KIAA1671: variants seen among roughly 807,000 people sequenced by gnomAD.
The protein encoded by KIAA1671 is KIAA1671, also known as uncharacterized protein KIAA1671.
Under a neutral mutation model 131.2 loss-of-function variants are expected in KIAA1671, and 52 were observed. The observed-to-expected ratio is 0.40, with a 90% CI of 0.32 to 0.50. KIAA1671 has a LOEUF of 0.50. KIAA1671 is among the 20% of genes least tolerant of loss of function. KIAA1671 has a pLI of 0.73. For missense variants in KIAA1671, 2,360 were observed against 2,364.2 expected (o/e 1.00, Z 0.04); for synonymous variants, 1,003 against 961.6 (o/e 1.04, Z -0.80).
At chr22:25,015,838 C>CTAA (rs57445940) in intron 1 of KIAA1671, among the ~76,000 whole-genome samples, 64,229 of 151,538 alleles carry the variant, frequency 0.42, 13,517 homozygotes, top group Middle Eastern at 0.49. Flanking sequence ...GTACCGCACT[C>CTAA]TGATGGAATT....
At position 25,028,044 on chromosome 22, in the gene KIAA1671, C is replaced by A; in HGVS notation, c.45C>A (p.Ala15=). ...VEVGSITPLT[A]VPGLGEMGKE... The stretch of plus-strand genomic sequence containing the variant: ...TGGGCTCCATAACGCCCTTGACGGC[C>A]GTGCCAGGCCTGGGTGAGATGGGCA... The change falls in exon 3 of 13, where the codon GCC becomes GCA. Residue 15 remains alanine (A), a synonymous_variant. Coordinates refer to ENST00000358431, the MANE Select transcript of KIAA1671 (RefSeq NM_001145206.2). The A allele has an allele frequency of 1.3e-6, 2 of 1,534,784 alleles. No individual in the cohort carries two copies. The highest frequency in any genetic ancestry group is 1.2e-5 in the South Asian group (1 of 82,166).
intron 6 of KIAA1671, among the ~76,000 whole-genome samples, chr22:25,115,698 G>T (rs1298875132): frequency 6.6e-6 from 1 of 152,130 alleles, no homozygotes; most frequent in Non-Finnish European, 1.5e-5. Flanking sequence ...CTGTGTGCAG[G>T]GCTCCATGCT....
intron 9 of KIAA1671, among the ~76,000 whole-genome samples, chr22:25,178,601 C>CCA (rs1307966127): frequency 6.6e-6 from 1 of 152,250 alleles, no homozygotes; most frequent in African/African-American, 2.4e-5. Flanking sequence ...TCCATGCTGC[C>CCA]CACAACCTCT....
chr22:24,977,956 G>T (rs1327637999), intron 1 of KIAA1671, among the ~76,000 whole-genome samples: 1 of 152,092 alleles, frequency 6.6e-6, no homozygotes, highest in Non-Finnish European at 1.5e-5. Context: ...AGAACCTCAG[G>T]GCTCCAGCAG....
At position 24,953,498 on chromosome 22, in the gene KIAA1671, C is replaced by A. The variant is rs542844602; in HGVS notation, c.-208+726C>A. Among the ~76,000 whole-genome samples the A allele has an allele frequency of 1.4e-4, 22 of 152,160 alleles. No individual in the cohort carries two copies. The South Asian group carries it at 1.7e-3, about 11-fold the overall frequency. On this transcript the variant is annotated intron_variant, in intron 1 of 12. Transcript: ENST00000358431. ...TCCTCTCGGCCTGGCCTGCGCCCCC[C>A]CTCCGCTCGTCTTCCCAGGGCGGAG... is the stretch of plus-strand genomic sequence containing the variant.
intron 1 of KIAA1671, among the ~76,000 whole-genome samples, chr22:24,957,660 C>T (rs1160296175): frequency 2.1e-5 from 3 of 142,170 alleles, no homozygotes; most frequent in African/African-American, 8.0e-5. Flanking sequence ...CTGGGCTAAG[C>T]TCTTTTGTTC....
At chr22:25,191,074 C>T (rs1273195976) in intron 12 of KIAA1671, among the ~76,000 whole-genome samples, 1 of 151,762 alleles carries the variant, frequency 6.6e-6, no homozygotes, top group Non-Finnish European at 1.5e-5. Flanking sequence ...ACCCTTCTAG[C>T]TGCATCACAG....
At chr22:25,013,147 T>C (rs181683941) in intron 1 of KIAA1671, 1 of 152,096 alleles carries the variant, frequency 6.6e-6, no homozygotes, top group East Asian at 1.9e-4. Flanking sequence ...CCCTGGAGGG[T>C]TGGAAGTCAT....
intron 1 of KIAA1671, among the ~76,000 whole-genome samples, chr22:24,975,812 C>G (rs777423422): frequency 6.6e-6 from 1 of 152,048 alleles, no homozygotes; most frequent in African/African-American, 2.4e-5. Flanking sequence ...TGGTGCAGAG[C>G]GGGGGATCCA....
Position 25,041,370 on chromosome 22 carries a change from C to A in KIAA1671, c.4240C>A (p.Pro1414Thr), listed in dbSNP as rs1602091335. 6.4e-7 allele frequency: 1 copy of A among 1,551,684 alleles called. No homozygotes were observed. The highest frequency in any genetic ancestry group is 8.7e-7 in the Non-Finnish European group (1 of 1,146,982). Reference protein sequence around the residue: ...DIKRAYSEKGPPANIREGLSI... With the variant: ...DIKRAYSEKGTPANIREGLSI... ...CAAGAGGGCCTACTCAGAGAAGGGG[C>A]CCCCTGCCAACATCCGAGAGGGCCT... is the stretch of plus-strand genomic sequence containing the variant. The change falls in exon 5 of 13, where the codon CCC becomes ACC. Residue 1414 changes from proline to threonine, a missense_variant. This residue lies in a region of KIAA1671 where 1,161 missense variants were observed against 1,204.7 expected (regional missense o/e 0.96). Transcript: ENST00000358431.
intron 6 of KIAA1671, among the ~76,000 whole-genome samples, chr22:25,163,174 A>G (rs1933507226): frequency 6.6e-6 from 1 of 151,852 alleles, no homozygotes; most frequent in Non-Finnish European, 1.5e-5. Context: ...CAAAAAATAC[A>G]AAAATTAGCC....
intron 6 of KIAA1671, among the ~76,000 whole-genome samples, chr22:25,085,515 C>A (rs374566787): frequency 9.7e-4 from 148 of 151,818 alleles, no homozygotes; most frequent in Middle Eastern, 6.8e-3. Context: ...CACCTCCCCC[C>A]CCATAACCCC....
In KIAA1671 at chr22:25,043,316, A is replaced by G. The variant is rs1026216543; in HGVS notation, c.4395+1791A>G. Among the ~76,000 whole-genome samples the G allele has an allele frequency of 3.1e-4, 47 of 152,226 alleles. 1 individual carries two copies. In the East Asian group the frequency reaches 7.9e-3, roughly 26 times the overall value. On this transcript the variant is annotated intron_variant, in intron 5 of 12. Transcript: ENST00000358431. Reference sequence around the variant, plus strand: ...GGCCCCTTCTCTTGATCTTTGGCATATACCTGAGTGTTGGGCAGAGTGCTG... The same window carrying G: ...GGCCCCTTCTCTTGATCTTTGGCATGTACCTGAGTGTTGGGCAGAGTGCTG...
intron 1 of KIAA1671, among the ~76,000 whole-genome samples, chr22:24,983,852 C>T (rs1014249617): frequency 1.3e-5 from 2 of 150,136 alleles, no homozygotes; most frequent in Admixed American, 1.3e-4. Flanking sequence ...GATCTCGGCT[C>T]ACCACAACCT....
intron 3 of KIAA1671, among the ~76,000 whole-genome samples, chr22:25,030,701 T>C (rs16979450): frequency 6.6e-6 from 1 of 152,170 alleles, no homozygotes; most frequent in Non-Finnish European, 1.5e-5. Context: ...TTAATAATGA[T>C]ATTCTAAACT....
intron 6 of KIAA1671, among the ~76,000 whole-genome samples, chr22:25,085,563 C>T (rs1024216399): frequency 2.7e-5 from 4 of 150,234 alleles, no homozygotes; most frequent in Non-Finnish European, 5.9e-5. Flanking sequence ...GACGTGTTGC[C>T]TGCTGCTGGG....
chr22:24,985,586 A>G (rs984715101), intron 1 of KIAA1671, among the ~76,000 whole-genome samples: 2 of 151,922 alleles, frequency 1.3e-5, no homozygotes, highest in Non-Finnish European at 2.9e-5. Context: ...TTATCCGCCC[A>G]CCTCGGCCTC....
chr22:25,194,943 G>T lies in KIAA1671; in HGVS notation c.*2542G>T, dbSNP rs984811857. 6.6e-6 allele frequency: 1 copy of T among 152,218 alleles called. No individual in the cohort carries two copies. The highest frequency in any genetic ancestry group is 1.9e-4 in the East Asian group (1 of 5,190). 9.4% of individuals were successfully genotyped at this position (152,218 alleles called of 1,614,324 possible). A position where few individuals can be genotyped will look rare whatever the true frequency, so the allele number is the denominator to read the frequency against. On this transcript the variant is annotated 3_prime_UTR_variant, in exon 13 of 13. Coordinates refer to ENST00000358431, the MANE Select transcript of KIAA1671 (RefSeq NM_001145206.2). ...CTTATCCCCATTCTAAATGGAGTGA[G>T]CTCTCTTTGAGGCTAAGCAAGGAGG...
At chr22:25,027,296 T>G (rs1041604654) in intron 2 of KIAA1671, among the ~76,000 whole-genome samples, 2 of 152,152 alleles carry the variant, frequency 1.3e-5, no homozygotes, top group Non-Finnish European at 2.9e-5. Flanking sequence ...GCCTAGGGCA[T>G]GGGTTCCAAG....
Sources: allele counts gnomAD v4.1 joint callset (sites outside exome capture counted in the v4.1 genomes callset), GRCh38; gene constraint gnomAD v4.1.1; regional missense constraint gnomAD v4.1.1; transcripts MANE v1.5; gene names NCBI Gene and HGNC (gene_info 2026-07-23, HGNC 2026-07-21).